KIAA1328: variants seen among roughly 807,000 people sequenced by gnomAD.
KIAA1328 encodes protein hinderin.
Under a neutral mutation model 68.1 loss-of-function variants are expected in KIAA1328, and 52 were observed. That is an observed-to-expected ratio of 0.76 (90% confidence interval 0.61 to 0.96). KIAA1328 has a LOEUF of 0.96. Ranked by LOEUF, KIAA1328 falls within the 40% of genes least tolerant of loss-of-function variation. The probability of loss-of-function intolerance (pLI) is 0.00; values close to 1 mark genes in which losing one functional copy is unlikely to be tolerated. For missense variants in KIAA1328, 641 were observed against 677.6 expected (o/e 0.95, Z 0.60); for synonymous variants, 232 against 239.4 (o/e 0.97, Z 0.28).
intron 5 of KIAA1328, among the ~76,000 whole-genome samples, chr18:36,955,147 T>G (rs1046808267): frequency 6.6e-6 from 1 of 151,476 alleles, no homozygotes; most frequent in African/African-American, 2.4e-5. Context: ...CCTATTTTTT[T>G]TTTTTGAGAT....
intron 5 of KIAA1328, among the ~76,000 whole-genome samples, chr18:36,936,013 T>G (rs1336013913): frequency 6.6e-6 from 1 of 152,194 alleles, no homozygotes; most frequent in African/African-American, 2.4e-5. Context: ...CTTGTTGTGT[T>G]TATATACAAC....
chr18:37,016,642 A>G (rs760013244), intron 6 of KIAA1328, among the ~76,000 whole-genome samples: 19 of 152,056 alleles, frequency 1.2e-4, no homozygotes, highest in Non-Finnish European at 2.4e-4. Flanking sequence ...TTCAATTTCA[A>G]AACTCAATAT....
rs576818911 is a variant in KIAA1328, at chr18:37,219,855, A to G, written c.1524-2162A>G. On this transcript the variant is annotated intron_variant, in intron 9 of 9. Coordinates refer to ENST00000280020, the MANE Select transcript of KIAA1328 (RefSeq NM_020776.3). ...TGCACCCACTGTCCATCCAGTCCCAATGAGATGAACCAGGTACCTCAGCTG... is the reference window on the plus strand; with the variant it reads ...TGCACCCACTGTCCATCCAGTCCCAGTGAGATGAACCAGGTACCTCAGCTG... Among the ~76,000 whole-genome samples the G allele has an allele frequency of 5.3e-5, 8 of 152,228 alleles. No individual in the cohort carries two copies. The South Asian group carries it at 6.2e-4, about 12-fold the overall frequency.
intron 5 of KIAA1328, among the ~76,000 whole-genome samples, chr18:36,911,868 C>A (rs1343138473): frequency 1.3e-5 from 2 of 152,068 alleles, no homozygotes; most frequent in African/African-American, 4.8e-5. Flanking sequence ...GTGGCATAAG[C>A]AGTCAGAAAG....
chr18:37,180,763 G>C (rs944303367), intron 9 of KIAA1328, among the ~76,000 whole-genome samples: 21 of 151,998 alleles, frequency 1.4e-4, no homozygotes, highest in African/African-American at 4.8e-4. Context: ...CAGGAGAGAG[G>C]AATAAGATAA....
chr18:36,843,630 A>G (rs952233068), intron 3 of KIAA1328, among the ~76,000 whole-genome samples: 7 of 152,206 alleles, frequency 4.6e-5, no homozygotes, highest in African/African-American at 1.7e-4. Context: ...GTACCCTTAA[A>G]GTAGAATAGG....
At chr18:37,153,109 T>C (rs999257908) in intron 7 of KIAA1328, among the ~76,000 whole-genome samples, 2 of 152,152 alleles carry the variant, frequency 1.3e-5, no homozygotes, top group African/African-American at 2.4e-5. Flanking sequence ...ACTGTGAAAA[T>C]GGCACACTTG....
downstream of KIAA1328, chr18:37,232,096 A>G (rs974788707): frequency 2.6e-5 from 4 of 152,234 alleles, no homozygotes; most frequent in Non-Finnish European, 5.9e-5. Context: ...CTCGAGTGCT[A>G]GAAGTGTTAA....
intron 7 of KIAA1328, among the ~76,000 whole-genome samples, chr18:37,127,474 G>A (rs2058420484): frequency 6.6e-6 from 1 of 152,150 alleles, no homozygotes; most frequent in South Asian, 2.1e-4. Context: ...TTTGGGAGAT[G>A]GAGGCAGGAA....
At chr18:37,075,735 A>G (rs534934430) in intron 7 of KIAA1328, 1 of 152,224 alleles carries the variant, frequency 6.6e-6, no homozygotes, top group African/African-American at 2.4e-5. Context: ...AGAGACAAAT[A>G]AGGCCATTAC....
chr18:37,142,954 T>C (rs944558031), intron 7 of KIAA1328, among the ~76,000 whole-genome samples: 1 of 150,328 alleles, frequency 6.7e-6, no homozygotes, highest in Non-Finnish European at 1.5e-5. Flanking sequence ...TTTTTTTTTT[T>C]GTTTTTTTTT....
At chr18:37,001,700 A>G (rs935912586) in intron 6 of KIAA1328, among the ~76,000 whole-genome samples, 11 of 152,218 alleles carry the variant, frequency 7.2e-5, no homozygotes, top group African/African-American at 2.4e-4. Context: ...ATGGCTCAAC[A>G]TACATAAATC....
intron 7 of KIAA1328, among the ~76,000 whole-genome samples, chr18:37,115,742 C>T (rs528276096): frequency 6.6e-6 from 1 of 152,300 alleles, no homozygotes; most frequent in Non-Finnish European, 1.5e-5. Flanking sequence ...TTGCAGATGA[C>T]ATGATTGTAT....
intron 9 of KIAA1328, among the ~76,000 whole-genome samples, chr18:37,200,842 T>A (rs1441773737): frequency 6.7e-6 from 1 of 149,614 alleles, no homozygotes; most frequent in Non-Finnish European, 1.5e-5. Flanking sequence ...AAAAAGGAGC[T>A]GTCATTTCTC....
chr18:37,139,591 C>A (rs1352163067), intron 7 of KIAA1328, among the ~76,000 whole-genome samples: 1 of 152,178 alleles, frequency 6.6e-6, no homozygotes, highest in Non-Finnish European at 1.5e-5. Flanking sequence ...ATTTCATTTA[C>A]AGACCAAGTA....
At chr18:36,845,826 A>G (rs2047009510) in intron 4 of KIAA1328, among the ~76,000 whole-genome samples, 1 of 151,738 alleles carries the variant, frequency 6.6e-6, no homozygotes, top group South Asian at 2.1e-4. Context: ...TTCTGTAGGA[A>G]GTCTTTTCTG....
intron 6 of KIAA1328, among the ~76,000 whole-genome samples, chr18:37,015,947 G>A (rs2054137619): frequency 6.6e-6 from 1 of 152,092 alleles, no homozygotes; most frequent in Non-Finnish European, 1.5e-5. Context: ...GGTCCATGAG[G>A]AGAGAGAGTT....
chr18:36,998,068 CT>C (rs1031860690), intron 6 of KIAA1328, among the ~76,000 whole-genome samples: 3 of 152,166 alleles, frequency 2.0e-5, no homozygotes, highest in Non-Finnish European at 4.4e-5. Flanking sequence ...TCGCCCCACC[CT>C]GCCCACCATA....
chr18:37,146,083 T>A (rs1454519023), intron 7 of KIAA1328, among the ~76,000 whole-genome samples: 1 of 151,092 alleles, frequency 6.6e-6, no homozygotes, highest in African/African-American at 2.5e-5. Context: ...AGGATAATAC[T>A]TTTTTTTTCG....
Sources: gnomAD v4.1 joint callset for allele counts (sites outside exome capture counted in the v4.1 genomes callset) on GRCh38, gnomAD v4.1.1 for gene constraint, MANE v1.5 for transcripts, NCBI Gene and HGNC (gene_info 2026-07-23, HGNC 2026-07-21) for gene names.